Variants in PDZD2 observed in about 807,000 individuals in gnomAD.
PDZD2 encodes the protein PDZ domain-containing protein 2.
In PDZD2, 90 loss-of-function variants were observed where a neutral mutation model predicts 220.7. The ratio of observed to expected loss-of-function variants is 0.41; its 90% CI spans 0.34 to 0.49. PDZD2 has a LOEUF of 0.49. PDZD2 is among the 20% of genes least tolerant of loss of function. PDZD2 has a pLI of 0.28. For missense variants in PDZD2, 3,174 were observed against 3,608.5 expected, an observed-to-expected ratio of 0.88 and a Z score of 3.08; for synonymous variants, 1,375 against 1,450.5, an observed-to-expected ratio of 0.95 and a Z score of 1.18.
intron 2 of PDZD2, among the ~76,000 whole-genome samples, chr5:31,879,610 C>T (rs1739676695): frequency 6.6e-6 from 1 of 151,968 alleles, no homozygotes; most frequent in Non-Finnish European, 1.5e-5. Flanking sequence ...TCAGTTTGTC[C>T]GCTGGTTGGT....
chr5:31,759,092 C>A (rs1751471799), intron 1 of PDZD2, among the ~76,000 whole-genome samples: 1 of 152,068 alleles, frequency 6.6e-6, no homozygotes, highest in South Asian at 2.1e-4. Context: ...GTGAGCTCCC[C>A]CACGCCAGCA....
chr5:31,809,017 G>A (rs1232592952), intron 2 of PDZD2, among the ~76,000 whole-genome samples: 1 of 152,012 alleles, frequency 6.6e-6, no homozygotes, highest in Non-Finnish European at 1.5e-5. Context: ...ATGAAATTAG[G>A]ATGGTTTTTT....
Position 32,087,852 on chromosome 5 carries a change from C to G in PDZD2, c.4404C>G (p.Ser1468Arg), listed in dbSNP as rs748017981. 1.9e-6 allele frequency: 3 copies of G among 1,611,234 alleles called. No homozygotes were observed. The African/African-American group carries it at 4.0e-5, about 21-fold the overall frequency. ...GHPPAGAGGG[S>R]SCRAEPVPGG... is the part of the protein sequence containing the mutation. The stretch of plus-strand genomic sequence containing the variant: ...CACCAGCCGGGGCTGGAGGTGGGAG[C>G]TCCTGCCGTGCCGAACCAGTCCCGG... Residue 1468 changes from serine to arginine, a missense_variant, in exon 20 of 25, where the codon AGC becomes AGG. Transcript: ENST00000438447. The surrounding 1 kb of genome is among the most constrained non-coding windows in gnomAD (Gnocchi z 4.0).
chr5:31,892,133 T>C (rs1741105455), intron 2 of PDZD2, among the ~76,000 whole-genome samples: 1 of 151,654 alleles, frequency 6.6e-6, no homozygotes, highest in Non-Finnish European at 1.5e-5. Context: ...GGCCTTGAAC[T>C]CCTGGGGTTC....
At chr5:31,843,191 G>A (rs1246935348) in intron 2 of PDZD2, 1 of 151,424 alleles carries the variant, frequency 6.6e-6, no homozygotes, top group African/African-American at 2.4e-5. Flanking sequence ...TATCACCCTT[G>A]TTTTTAATGA....
intron 2 of PDZD2, among the ~76,000 whole-genome samples, chr5:31,817,654 CATCT>C (rs137984270): frequency 0.038 from 5,786 of 151,984 alleles, 410 homozygotes; most frequent in African/African-American, 0.13. Context: ...TATATTTATC[CATCT>C]ATCTATCTAT....
At chr5:31,802,582 G>T (rs1754454158) in intron 2 of PDZD2, among the ~76,000 whole-genome samples, 1 of 152,182 alleles carries the variant, frequency 6.6e-6, no homozygotes, top group African/African-American at 2.4e-5. Flanking sequence ...ACAACTGGCT[G>T]TTCTATAACA....
chr5:31,952,732 A>G (rs531395833), intron 2 of PDZD2, among the ~76,000 whole-genome samples: 7 of 152,310 alleles, frequency 4.6e-5, no homozygotes, highest in African/African-American at 1.7e-4. Context: ...CATATAAAAG[A>G]GGGGAAAGTG....
intron 2 of PDZD2, among the ~76,000 whole-genome samples, chr5:31,960,476 T>C (rs1010255519): frequency 2.6e-5 from 4 of 152,204 alleles, no homozygotes; most frequent in Admixed American, 2.6e-4. Context: ...TCCAAAATGC[T>C]GGGATTACAG....
At position 32,077,554 on chromosome 5, in the gene PDZD2, C is replaced by T; in HGVS notation, c.3630C>T (p.Leu1210=). ...TGTCCCATCTGGATGCCAGCCACCT[C>T]ACAGAGAACCTGCCCAAAGCTGCAT... is the stretch of plus-strand genomic sequence containing the variant. ...SALSHLDASH[L]TENLPKAASE... Residue 1210 remains leucine, a synonymous_variant, in exon 19 of 25, where the codon CTC becomes CTT. Transcript: ENST00000438447. 6.2e-7 allele frequency: 1 copy of T among 1,614,120 alleles called. No individual in the cohort carries two copies. The highest frequency in any genetic ancestry group is 8.5e-7 in the Non-Finnish European group (1 of 1,179,980).
At chr5:32,007,385 T>TA (rs572413432) in intron 5 of PDZD2, among the ~76,000 whole-genome samples, 3,748 of 136,354 alleles carry the variant, frequency 0.027, 121 homozygotes, top group African/African-American at 0.077. Flanking sequence ...AGTTGGGATT[T>TA]AAAAAAAAAA....
intron 22 of PDZD2, 35 bp downstream of exon 22, chr5:32,097,415 C>A: frequency 7.6e-7 from 1 of 1,310,386 alleles, no homozygotes; most frequent in Non-Finnish European, 1.1e-6. Context: ...TCAGGAAAAT[C>A]CCCCCTCAAG....
In PDZD2 at chr5:31,648,888, T is replaced by C. The variant is rs116417467; in HGVS notation, c.-361+9451T>C. Among the ~76,000 whole-genome samples the C allele has an allele frequency of 2.8e-3, 422 of 152,026 alleles. 2 individuals carry two copies. The highest frequency in any genetic ancestry group is 9.9e-3 in the African/African-American group (410 of 41,334). On this transcript the variant is annotated intron_variant, in intron 1 of 24. Coordinates refer to ENST00000438447, the MANE Select transcript of PDZD2 (RefSeq NM_178140.4). ...TTTACCTTAGGGGTTCACTCTTACA[T>C]TCTATGGGTTTGGATAAATGTATAA...
At chr5:31,802,919 CAA>C (rs34901917) in intron 2 of PDZD2, among the ~76,000 whole-genome samples, 9 of 56,182 alleles carry the variant, frequency 1.6e-4, no homozygotes, top group Admixed American at 5.1e-4. Flanking sequence ...GACTCTGTCT[CAA>C]AAAAAAAAAA....
At chr5:31,768,759 C>T (rs1416781021) in intron 1 of PDZD2, among the ~76,000 whole-genome samples, 1 of 152,106 alleles carries the variant, frequency 6.6e-6, no homozygotes, top group African/African-American at 2.4e-5. Flanking sequence ...TGCCTCATGT[C>T]ATGATTGCAC....
chr5:32,028,686 T>TTC (rs1754879958), intron 6 of PDZD2, among the ~76,000 whole-genome samples: 1 of 129,364 alleles, frequency 7.7e-6, no homozygotes, highest in Admixed American at 7.7e-5. Flanking sequence ...TTTTTTTTGT[T>TTC]TTTTTTTTTT....
At chr5:31,792,309 A>C (rs1753774080) in intron 1 of PDZD2, among the ~76,000 whole-genome samples, 1 of 152,230 alleles carries the variant, frequency 6.6e-6, no homozygotes, top group South Asian at 2.1e-4. Flanking sequence ...CTGATGTACA[A>C]GGAGCAAGGC....
At chr5:31,756,727 C>T (rs1004825213) in intron 1 of PDZD2, among the ~76,000 whole-genome samples, 1 of 152,192 alleles carries the variant, frequency 6.6e-6, no homozygotes, top group African/African-American at 2.4e-5. Flanking sequence ...TGTGCTGGCT[C>T]AGTATCCACA....
At chr5:31,683,682 A>G (rs922544943) in intron 1 of PDZD2, among the ~76,000 whole-genome samples, 2 of 152,202 alleles carry the variant, frequency 1.3e-5, no homozygotes, top group Admixed American at 6.5e-5. Context: ...AGTCTGTCTT[A>G]TGGACGTTTG....
Sources: allele counts gnomAD v4.1 joint callset (sites outside exome capture counted in the v4.1 genomes callset), GRCh38; gene constraint gnomAD v4.1.1; non-coding constraint Gnocchi (gnomAD v3.1); transcripts MANE v1.5; gene names NCBI Gene and HGNC (gene_info 2026-07-23, HGNC 2026-07-21).